Variants in ZC2HC1B observed in about 807,000 individuals in gnomAD.
ZC2HC1B encodes zinc finger C2HC domain-containing protein 1B.
A neutral mutation model predicts 31.0 loss-of-function variants in ZC2HC1B; 36 were observed. The ratio of observed to expected loss-of-function variants is 1.16; its 90% CI spans 0.89 to 1.54. The LOEUF is 1.54. Among genes scored for constraint, ZC2HC1B ranks in the 40% most tolerant of loss-of-function variants. The pLI, the probability that ZC2HC1B is intolerant of heterozygous loss-of-function variation, is 0.00. For synonymous variants in ZC2HC1B, 73 were observed against 88.0 expected (o/e 0.83, Z 0.95); for missense variants, 260 against 268.6 (o/e 0.97, Z 0.22).
rs1376531396 is a variant in ZC2HC1B, at chr6:143,922,967, C to A, written c.599-14682C>A. ...AGGGCTGTACTAATTTACTTTCCAACCAACAGTGTATAATATAGAGTTCCC... is the reference window on the plus strand; with the variant it reads ...AGGGCTGTACTAATTTACTTTCCAAACAACAGTGTATAATATAGAGTTCCC... On this transcript the variant is annotated intron_variant, in intron 6 of 7. Transcript: ENST00000237275. This position sits in a 1 kb window ranked among gnomAD's most constrained non-coding sequence, Gnocchi z 5.0. Among the ~76,000 whole-genome samples the A allele has an allele frequency of 6.6e-6, 1 of 152,106 alleles. No homozygotes were observed. The highest frequency in any genetic ancestry group is 1.9e-4 in the East Asian group (1 of 5,192).
rs370209389 is a variant in ZC2HC1B at position 143,934,878 on chromosome 6, G to A, written c.599-2771G>A. Reference sequence around the variant, plus strand: ...GTCCTTGGGACCCCAGGTAGCATACGTGGGCACTGGTGTTAGCAGGTCCAG... The same window carrying A: ...GTCCTTGGGACCCCAGGTAGCATACATGGGCACTGGTGTTAGCAGGTCCAG... On this transcript the variant is annotated intron_variant, in intron 6 of 7. Transcript: ENST00000237275. This position sits in a 1 kb window ranked among gnomAD's most constrained non-coding sequence, Gnocchi z 4.6. Among the ~76,000 whole-genome samples the A allele has an allele frequency of 2.5e-3, 374 of 152,292 alleles. 1 individual carries two copies. The highest frequency in any genetic ancestry group is 5.4e-3 in the South Asian group (26 of 4,830).
chr6:143,924,703 A>ATCAT lies in ZC2HC1B; in HGVS notation c.599-12946_599-12945insTCAT. Among the ~76,000 whole-genome samples, 1 of 152,324 alleles carries ATCAT rather than the reference A, an allele frequency of 6.6e-6. No homozygotes were observed. The highest frequency in any genetic ancestry group is 6.5e-5 in the Admixed American group (1 of 15,298). ...TGTTTCTTCTATGCCTAATTTGTTA[A>ATCAT]GAGTTTTAATCATGAAAAGAAGTTG... On this transcript the variant is annotated intron_variant, in intron 6 of 7. Coordinates refer to ENST00000237275, the MANE Select transcript of ZC2HC1B (RefSeq NM_001013623.3). This position sits in a 1 kb window ranked among gnomAD's most constrained non-coding sequence, Gnocchi z 5.2.
chr6:143,883,534 A>T lies in ZC2HC1B; in HGVS notation c.29-770A>T, dbSNP rs1777494599. Among the ~76,000 whole-genome samples the T allele has an allele frequency of 6.6e-6, 1 of 151,414 alleles. No homozygotes were observed. The highest frequency in any genetic ancestry group is 2.1e-4 in the South Asian group (1 of 4,820). On this transcript the variant is annotated intron_variant, in intron 1 of 7. Transcript: ENST00000237275. This position sits in a 1 kb window ranked among gnomAD's most constrained non-coding sequence, Gnocchi z 4.1. ...TATAAAGTCTATGCTCAGACCTCAA[A>T]CTGCTTTTTTTATTAACCTAAGACA...
In ZC2HC1B at chr6:143,918,707, C is replaced by A. The variant is rs1234692456; in HGVS notation, c.598+15555C>A. Among the ~76,000 whole-genome samples, 1 of 152,170 alleles carries A rather than the reference C, an allele frequency of 6.6e-6. No homozygotes were observed. The highest frequency in any genetic ancestry group is 1.5e-5 in the Non-Finnish European group (1 of 68,036). On this transcript the variant is annotated intron_variant, in intron 6 of 7. Transcript: ENST00000237275. This position sits in a 1 kb window ranked among gnomAD's most constrained non-coding sequence, Gnocchi z 4.1. ...CATATGTTGGTCAGTTTGACAGTGTCCCACAGGTCCCTAAGGCTCTGTTCA... is the reference window on the plus strand; with the variant it reads ...CATATGTTGGTCAGTTTGACAGTGTACCACAGGTCCCTAAGGCTCTGTTCA...
chr6:143,921,295 A>G lies in ZC2HC1B; in HGVS notation c.599-16354A>G, dbSNP rs1159528286. ...TTCCACATAGCATTTATCACCATCT[A>G]ATATTCAATATATATTTAACTCATT... On this transcript the variant is annotated intron_variant, in intron 6 of 7. Coordinates refer to ENST00000237275, the MANE Select transcript of ZC2HC1B (RefSeq NM_001013623.3). The surrounding 1 kb of genome is among the most constrained non-coding windows in gnomAD (Gnocchi z 6.1). Among the ~76,000 whole-genome samples the G allele has an allele frequency of 6.6e-6, 1 of 152,248 alleles. No individual in the cohort carries two copies. The highest frequency in any genetic ancestry group is 1.5e-5 in the Non-Finnish European group (1 of 68,050).
At chr6:143,912,439 G>T (rs894782621) in intron 6 of ZC2HC1B, among the ~76,000 whole-genome samples, 2 of 152,116 alleles carry the variant, frequency 1.3e-5, no homozygotes, top group African/African-American at 4.8e-5. Flanking sequence ...ATTTTTGGAT[G>T]GGTTTTGTTG....
chr6:143,874,759 C>T (rs1429157845), intron 1 of ZC2HC1B, among the ~76,000 whole-genome samples: 2 of 152,188 alleles, frequency 1.3e-5, no homozygotes, highest in Non-Finnish European at 1.5e-5. Flanking sequence ...TGTGGTAATT[C>T]TCAGAGATAC....
chr6:143,919,395 T>TTA (rs397785860), intron 6 of ZC2HC1B, among the ~76,000 whole-genome samples: 7 of 151,662 alleles, frequency 4.6e-5, no homozygotes, highest in Non-Finnish European at 8.8e-5. Flanking sequence ...TGTAGTTTTT[T>TTA]AAAAAAACAT....
At chr6:143,936,475 A>G (rs1456111260) in intron 6 of ZC2HC1B, among the ~76,000 whole-genome samples, 1 of 152,238 alleles carries the variant, frequency 6.6e-6, no homozygotes, top group African/African-American at 2.4e-5. Context: ...TTATTTTAGA[A>G]AAAGAAGTGG....
intron 6 of ZC2HC1B, among the ~76,000 whole-genome samples, chr6:143,910,849 T>C (rs1195146282): frequency 6.6e-6 from 1 of 152,144 alleles, no homozygotes; most frequent in Non-Finnish European, 1.5e-5. Context: ...CACCTCCTGG[T>C]TCAAGTGATT....
Position 143,886,958 on chromosome 6 carries a change from A to G in ZC2HC1B, c.349+137A>G, listed in dbSNP as rs1486177452. 1.1e-6 allele frequency: 1 copy of G among 947,160 alleles called. No homozygotes were observed. Among genetic ancestry groups the G allele is most frequent in the South Asian group, 2.8e-5 (1 of 36,268 alleles). The allele number at this position is 947,160 out of a possible 1,614,324, so 58.7% of individuals were successfully genotyped here. ...TTAATTATATAAAAGTAAACATCCTATTTTTTTCAATTCTGCATAAAGATT... is the reference window on the plus strand; with the variant it reads ...TTAATTATATAAAAGTAAACATCCTGTTTTTTTCAATTCTGCATAAAGATT... On this transcript the variant is annotated intron_variant, in intron 4 of 7. Coordinates refer to ENST00000237275, the MANE Select transcript of ZC2HC1B (RefSeq NM_001013623.3). The surrounding 1 kb of genome is among the most constrained non-coding windows in gnomAD (Gnocchi z 4.2).
rs1210251017 is a variant in ZC2HC1B, at chr6:143,933,163, ACTGGTTAGC to A, written c.599-4484_599-4476del. Among the ~76,000 whole-genome samples the A allele has an allele frequency of 1.3e-5, 2 of 152,202 alleles. No homozygotes were observed. The highest frequency in any genetic ancestry group is 4.8e-5 in the African/African-American group (2 of 41,436). On this transcript the variant is annotated intron_variant, in intron 6 of 7. Coordinates refer to ENST00000237275, the MANE Select transcript of ZC2HC1B (RefSeq NM_001013623.3). This position sits in a 1 kb window ranked among gnomAD's most constrained non-coding sequence, Gnocchi z 6.4. Reference sequence around the variant, plus strand: ...TTGTCATGTGGACAGACTCGGGACCACTGGTTAGCCAGGATGTTTCAGGCAGTGGAATTA... The same window carrying A: ...TTGTCATGTGGACAGACTCGGGACCACAGGATGTTTCAGGCAGTGGAATTA...
Position 143,868,896 on chromosome 6 carries a change from T to C in ZC2HC1B, c.28+4329T>C, listed in dbSNP as rs1468075747. Among the ~76,000 whole-genome samples the C allele has an allele frequency of 1.3e-5, 2 of 152,110 alleles. No homozygotes were observed. The highest frequency in any genetic ancestry group is 2.9e-5 in the Non-Finnish European group (2 of 68,016). On this transcript the variant is annotated intron_variant, in intron 1 of 7. Coordinates refer to ENST00000237275, the MANE Select transcript of ZC2HC1B (RefSeq NM_001013623.3). The surrounding 1 kb of genome is among the most constrained non-coding windows in gnomAD (Gnocchi z 4.2). ...TTATGTCACATGATGAAGGAAAAAG[T>C]AAATAAAATGAAGATATCTTCTTAG...
At chr6:143,888,475 G>A (rs921132576) in intron 4 of ZC2HC1B, among the ~76,000 whole-genome samples, 1 of 151,930 alleles carries the variant, frequency 6.6e-6, no homozygotes, top group Non-Finnish European at 1.5e-5. Flanking sequence ...TATATAGAAT[G>A]TTTTGGGTAC....
At chr6:143,928,400 T>C (rs1205738573) in intron 6 of ZC2HC1B, among the ~76,000 whole-genome samples, 1 of 152,182 alleles carries the variant, frequency 6.6e-6, no homozygotes, top group African/African-American at 2.4e-5. Context: ...TTTGTCAACT[T>C]TGTCGAATAT....
rs748223855 is a variant in ZC2HC1B, at chr6:143,922,530, C to T, written c.599-15119C>T. On this transcript the variant is annotated intron_variant, in intron 6 of 7. Coordinates refer to ENST00000237275, the MANE Select transcript of ZC2HC1B (RefSeq NM_001013623.3). This position sits in a 1 kb window ranked among gnomAD's most constrained non-coding sequence, Gnocchi z 5.0. ...AACTATCATTCTATTCCCTACATCA[C>T]TGAAATCAACTTTTTTAGCTCCCAC... Among the ~76,000 whole-genome samples the T allele has an allele frequency of 1.3e-5, 2 of 152,154 alleles. No individual in the cohort carries two copies. Among genetic ancestry groups the T allele is most frequent in the African/African-American group, 2.4e-5 (1 of 41,442 alleles).
intron 6 of ZC2HC1B, among the ~76,000 whole-genome samples, chr6:143,928,385 A>AT (rs1337796483): frequency 6.6e-6 from 1 of 152,000 alleles, no homozygotes; most frequent in Admixed American, 6.6e-5. Flanking sequence ...TCTCTGATGT[A>AT]TGTTTTTGTC....
In ZC2HC1B at chr6:143,869,965, C is replaced by T. The variant is rs1484624508; in HGVS notation, c.28+5398C>T. On this transcript the variant is annotated intron_variant, in intron 1 of 7. Coordinates refer to ENST00000237275, the MANE Select transcript of ZC2HC1B (RefSeq NM_001013623.3). The surrounding 1 kb of genome is among the most constrained non-coding windows in gnomAD (Gnocchi z 5.2). Reference sequence around the variant, plus strand: ...TCCACTTGATTATTAAAATCCTCCTCTGCTGAGGTCACCAGTTGGTGAGCA... The same window carrying T: ...TCCACTTGATTATTAAAATCCTCCTTTGCTGAGGTCACCAGTTGGTGAGCA... Among the ~76,000 whole-genome samples, 1 of 152,208 alleles carries T rather than the reference C, an allele frequency of 6.6e-6. No homozygotes were observed. The highest frequency in any genetic ancestry group is 2.4e-5 in the African/African-American group (1 of 41,458).
At position 143,869,315 on chromosome 6, in the gene ZC2HC1B, A is replaced by T. The variant is rs2128492941; in HGVS notation, c.28+4748A>T. Among the ~76,000 whole-genome samples, 1 of 152,262 alleles carries T rather than the reference A, an allele frequency of 6.6e-6. No individual in the cohort carries two copies. Among genetic ancestry groups the T allele is most frequent in the East Asian group, 1.9e-4 (1 of 5,178 alleles). On this transcript the variant is annotated intron_variant, in intron 1 of 7. Coordinates refer to ENST00000237275, the MANE Select transcript of ZC2HC1B (RefSeq NM_001013623.3). The surrounding 1 kb of genome is among the most constrained non-coding windows in gnomAD (Gnocchi z 5.2). ...CATACACGATCTTCTGGAGAACTTT[A>T]CCCCAGCCCTTCAACGTATTGTCAC...
Sources: gnomAD v4.1 joint callset for allele counts (sites outside exome capture counted in the v4.1 genomes callset) on GRCh38, gnomAD v4.1.1 for gene constraint, Gnocchi (gnomAD v3.1) non-coding constraint, MANE v1.5 for transcripts, NCBI Gene and HGNC (gene_info 2026-07-23, HGNC 2026-07-21) for gene names.